The following ARFGAP3 variants were observed in gnomAD, a reference collection of about 807,000 sequenced individuals.
ARFGAP3 encodes ARF GTPase activating protein 3, also known as ADP-ribosylation factor GTPase-activating protein 3.
A neutral mutation model predicts 75.0 loss-of-function variants in ARFGAP3; 72 were observed. The ratio of observed to expected loss-of-function variants is 0.96; its 90% CI spans 0.79 to 1.17. The LOEUF (loss-of-function observed/expected upper bound fraction) is 1.17. ARFGAP3 is among the 50% of genes most tolerant of loss of function. The probability of loss-of-function intolerance (pLI) is 0.00; values close to 1 mark genes in which losing one functional copy is unlikely to be tolerated. For missense variants in ARFGAP3, 620 were observed against 626.6 expected, an observed-to-expected ratio of 0.99 and a Z score of 0.11; for synonymous variants, 221 against 217.9, an observed-to-expected ratio of 1.01 and a Z score of -0.13.
At chr22:42,846,417 C>A (rs781014055) in intron 2 of ARFGAP3, among the ~76,000 whole-genome samples, 6 of 152,328 alleles carry the variant, frequency 3.9e-5, no homozygotes, top group Non-Finnish European at 7.3e-5. Context: ...AATAGTCCTG[C>A]CTCCCACTGG....
intron 5 of ARFGAP3, among the ~76,000 whole-genome samples, chr22:42,832,060 G>A (rs981513831): frequency 6.6e-6 from 1 of 151,892 alleles, no homozygotes; most frequent in Admixed American, 6.6e-5. Context: ...TGAGATTACA[G>A]GCATGAGCCA....
At chr22:42,798,490 C>T (rs373704399) in intron 15 of ARFGAP3, among the ~76,000 whole-genome samples, 5 of 152,222 alleles carry the variant, frequency 3.3e-5, no homozygotes, top group African/African-American at 1.2e-4. Flanking sequence ...CTCTCATGCG[C>T]AAGTATGCGC....
intron 14 of ARFGAP3, among the ~76,000 whole-genome samples, chr22:42,799,761 G>A (rs1411761854): frequency 6.6e-6 from 1 of 152,110 alleles, no homozygotes; most frequent in African/African-American, 2.4e-5. Flanking sequence ...GACTACGACT[G>A]CCCCTCCCAC....
chr22:42,819,352 T>C (rs970246554), intron 9 of ARFGAP3, among the ~76,000 whole-genome samples: 3 of 152,190 alleles, frequency 2.0e-5, no homozygotes, highest in Admixed American at 6.6e-5. Context: ...CTGGAGAAGA[T>C]GCATGGGGAT....
In ARFGAP3 at chr22:42,842,089, C is replaced by T. The variant is rs1273662339; in HGVS notation, c.189-1073G>A. Among the ~76,000 whole-genome samples the T allele has an allele frequency of 4.1e-5, 6 of 147,968 alleles. No individual in the cohort carries two copies. The Admixed American group carries it at 4.1e-4, about 10-fold the overall frequency. ...GTGCGATCTTGACTCACCGCAACCTCTGCCTCCTGGGTTCAAGTGATTCTC... is the reference window on the plus strand; with the variant it reads ...GTGCGATCTTGACTCACCGCAACCTTTGCCTCCTGGGTTCAAGTGATTCTC... On this transcript the variant is annotated intron_variant, in intron 2 of 15. Transcript: ENST00000263245.
chr22:42,854,498 G>A (rs896908025), intron 1 of ARFGAP3, among the ~76,000 whole-genome samples: 5 of 152,200 alleles, frequency 3.3e-5, no homozygotes, highest in African/African-American at 4.8e-5. Flanking sequence ...GATGGCACAC[G>A]CCTGTAGTCC....
intron 9 of ARFGAP3, among the ~76,000 whole-genome samples, chr22:42,819,510 C>T (rs1224868618): frequency 1.3e-5 from 2 of 152,114 alleles, no homozygotes; most frequent in African/African-American, 2.4e-5. Flanking sequence ...GTCAGAACAC[C>T]GCGTTTCTCA....
intron 1 of ARFGAP3, among the ~76,000 whole-genome samples, chr22:42,849,890 C>T (rs1927197929): frequency 6.6e-6 from 1 of 152,150 alleles, no homozygotes; most frequent in East Asian, 1.9e-4. Flanking sequence ...TGTCCACTAG[C>T]ACAGAACCTG....
intron 3 of ARFGAP3, among the ~76,000 whole-genome samples, chr22:42,838,982 C>T (rs548099271): frequency 5.3e-5 from 8 of 151,006 alleles, no homozygotes; most frequent in Middle Eastern, 3.4e-3. Flanking sequence ...TGGTGGCGGG[C>T]GCCTGTAGTC....
At chr22:42,803,895 TTCC>T (rs1034086536) in intron 14 of ARFGAP3, among the ~76,000 whole-genome samples, 1 of 144,846 alleles carries the variant, frequency 6.9e-6, no homozygotes, top group Non-Finnish European at 1.5e-5. Flanking sequence ...CCCTCCCTCC[TTCC>T]TCTTTTTTTT....
At chr22:42,844,131 TTTATA>T (rs1260870745) in intron 2 of ARFGAP3, among the ~76,000 whole-genome samples, 4 of 152,140 alleles carry the variant, frequency 2.6e-5, no homozygotes, top group African/African-American at 9.7e-5. Context: ...GAGGAGAGAC[TTTATA>T]TATTTTGGGG....
chr22:42,821,813 T>C (rs1425864782), intron 9 of ARFGAP3, among the ~76,000 whole-genome samples: 2 of 152,204 alleles, frequency 1.3e-5, no homozygotes, highest in Non-Finnish European at 2.9e-5. Context: ...ACTGCCAAAC[T>C]GTTTTTCACA....
chr22:42,816,900 C>G (rs1487997673), intron 11 of ARFGAP3, among the ~76,000 whole-genome samples: 1 of 152,180 alleles, frequency 6.6e-6, no homozygotes, highest in Non-Finnish European at 1.5e-5. Flanking sequence ...ATCTCTCCTA[C>G]CTCTAATTTT....
At chr22:42,825,688 A>C (rs2146551830) in intron 7 of ARFGAP3, among the ~76,000 whole-genome samples, 1 of 150,490 alleles carries the variant, frequency 6.6e-6, no homozygotes, top group South Asian at 2.1e-4. Flanking sequence ...CTGTCTCCAA[A>C]AAAAAAAAAA....
At chr22:42,842,153 T>C (rs1926810225) in intron 2 of ARFGAP3, among the ~76,000 whole-genome samples, 1 of 151,160 alleles carries the variant, frequency 6.6e-6, no homozygotes, top group Admixed American at 6.6e-5. Context: ...AACAGGCAGG[T>C]GTCACTACGC....
intron 11 of ARFGAP3, 126 bp from the exon 12 acceptor site, chr22:42,811,070 G>A: frequency 1.4e-6 from 2 of 1,430,052 alleles, no homozygotes; most frequent in South Asian, 2.9e-5. Context: ...ACTAGGTCTA[G>A]CCAATGAGAC....
chr22:42,838,347 G>A (rs1425601496), intron 3 of ARFGAP3, among the ~76,000 whole-genome samples: 2 of 148,072 alleles, frequency 1.4e-5, no homozygotes, highest in Non-Finnish European at 3.0e-5. Flanking sequence ...ACCCAGGCTG[G>A]AGTGTAATGG....
At chr22:42,823,764 T>G (rs953622465) in intron 7 of ARFGAP3, 62 bp from the exon 8 acceptor site, 1 of 1,394,076 alleles carries the variant, frequency 7.2e-7, no homozygotes, top group Non-Finnish European at 9.7e-7. Context: ...TTTTAGTGTG[T>G]CTTTTAAAAT....
In ARFGAP3 at chr22:42,838,656, G is replaced by A. The variant is rs1167680354; in HGVS notation, c.261+2288C>T. ...TCTTATACTTTAGCATATAAGAAAC[G>A]CCTAAAGGAATTCCATTTACTCCAT... is the stretch of plus-strand genomic sequence containing the variant. On this transcript the variant is annotated intron_variant, in intron 3 of 15. Coordinates refer to ENST00000263245, the MANE Select transcript of ARFGAP3 (RefSeq NM_014570.5). Among the ~76,000 whole-genome samples the A allele has an allele frequency of 6.0e-5, 9 of 149,248 alleles. 1 individual carries two copies. The highest frequency in any genetic ancestry group is 6.0e-4 in the Admixed American group (9 of 15,008).
Sources: allele counts gnomAD v4.1 joint callset (sites outside exome capture counted in the v4.1 genomes callset), GRCh38; gene constraint gnomAD v4.1.1; transcripts MANE v1.5; gene names NCBI Gene and HGNC (gene_info 2026-07-23, HGNC 2026-07-21).